HIP1: variants seen among roughly 807,000 people sequenced by gnomAD.
The protein encoded by HIP1 is huntingtin interacting protein 1, also known as huntingtin-interacting protein 1.
HIP1 carries 65 observed loss-of-function variants against 147.6 expected under a neutral mutation model. That is an observed-to-expected ratio of 0.44 (90% CI 0.36 to 0.54). The LOEUF is 0.54. HIP1 is among the 20% of genes least tolerant of loss of function. The probability of loss-of-function intolerance (pLI) is 0.00; values close to 1 mark genes in which losing one functional copy is unlikely to be tolerated. For synonymous variants in HIP1, 479 were observed against 504.0 expected, an observed-to-expected ratio of 0.95 and a Z score of 0.67; for missense variants, 1,061 against 1,299.6, an observed-to-expected ratio of 0.82 and a Z score of 2.82.
chr7:75,560,402 C>T (rs1297584685), intron 13 of HIP1, among the ~76,000 whole-genome samples: 1 of 152,120 alleles, frequency 6.6e-6, no homozygotes, highest in Non-Finnish European at 1.5e-5. Flanking sequence ...GTATGCACCA[C>T]CATGCCCAGC....
intron 1 of HIP1, among the ~76,000 whole-genome samples, chr7:75,679,156 G>A (rs1345462686): frequency 1.3e-5 from 2 of 152,124 alleles, no homozygotes; most frequent in Non-Finnish European, 2.9e-5. Context: ...TTCACTGACT[G>A]TCTTTGCTTC....
intron 2 of HIP1, among the ~76,000 whole-genome samples, chr7:75,595,216 CTTTCTTTCTTTCTTTCTTT>C (rs1554501631): frequency 1.2e-5 from 1 of 85,714 alleles, no homozygotes; most frequent in African/African-American, 6.0e-5. Flanking sequence ...TTCTTTCTTT[CTTTCTTTCTTTCTTTCTTT>C]CTTTCTTTCT....
intron 1 of HIP1, among the ~76,000 whole-genome samples, chr7:75,663,440 G>T (rs1264341254): frequency 1.3e-5 from 2 of 152,086 alleles, no homozygotes; most frequent in African/African-American, 4.8e-5. Context: ...CTCCAGCCTG[G>T]GTGACAGAGT....
At chr7:75,552,496 C>G (rs1051188008) in intron 22 of HIP1, among the ~76,000 whole-genome samples, 2 of 150,212 alleles carry the variant, frequency 1.3e-5, no homozygotes, top group South Asian at 2.1e-4. Context: ...ACTACAGGTG[C>G]GTGACATCAC....
intron 1 of HIP1, among the ~76,000 whole-genome samples, chr7:75,673,779 T>G (rs1799798923): frequency 7.1e-6 from 1 of 141,758 alleles, no homozygotes; most frequent in African/African-American, 2.7e-5. Flanking sequence ...GAGCCTGGAG[T>G]TTGAGACCAG....
intron 1 of HIP1, among the ~76,000 whole-genome samples, chr7:75,662,544 C>T (rs1243003821): frequency 1.3e-4 from 20 of 152,188 alleles, no homozygotes; most frequent in African/African-American, 4.3e-4. Context: ...CTCGCTCTGT[C>T]GCCCAGGCTG....
intron 1 of HIP1, among the ~76,000 whole-genome samples, chr7:75,687,979 A>G (rs1554517743): frequency 6.6e-6 from 1 of 151,972 alleles, no homozygotes; most frequent in South Asian, 2.1e-4. Flanking sequence ...GAGTTCTTCC[A>G]GGCTAGCCCA....
chr7:75,563,888 TTC>T (rs1359530992), intron 9 of HIP1, among the ~76,000 whole-genome samples: 16 of 151,738 alleles, frequency 1.1e-4, no homozygotes, highest in Non-Finnish European at 5.9e-5. Context: ...AATATTTTTT[TTC>T]TCTCTCTCTC....
chr7:75,598,815 C>T lies in HIP1; in HGVS notation c.184+369G>A, dbSNP rs917094656. ...TCGGGAGGCTGAGACGAGAGGATTG[C>T]GTGAACCCAGGAGTTTGAGGCTGCA... On this transcript the variant is annotated intron_variant, in intron 2 of 30. Coordinates refer to ENST00000336926, the MANE Select transcript of HIP1 (RefSeq NM_005338.7). 2.0e-5 allele frequency among the ~76,000 whole-genome samples: 3 copies of T among 152,076 alleles called. No homozygotes were observed. In the South Asian group the frequency reaches 6.2e-4, roughly 31 times the overall value.
chr7:75,536,806 A>T lies in HIP1; in HGVS notation c.*1366T>A, dbSNP rs1409501316. 4.3e-6 allele frequency: 1 copy of T among 230,180 alleles called. No individual in the cohort carries two copies. The highest frequency in any genetic ancestry group is 8.6e-6 in the Non-Finnish European group (1 of 116,248). The allele number at this position is 230,180 out of a possible 1,614,324, so 14.3% of individuals were successfully genotyped here. A position where few individuals can be genotyped will look rare whatever the true frequency, so the allele number is the denominator to read the frequency against. ...TTGAAGGCTGATGTAGCCGGGCAGA[A>T]AGATGAGCCTTGCTAGAGTCACACC... On this transcript the variant is annotated 3_prime_UTR_variant, in exon 31 of 31. Transcript: ENST00000336926.
intron 29 of HIP1, among the ~76,000 whole-genome samples, chr7:75,541,677 C>T (rs1442432576): frequency 2.0e-5 from 3 of 149,534 alleles, no homozygotes; most frequent in African/African-American, 7.4e-5. Context: ...GTCTGGGCGA[C>T]AGGACGAGAC....
intron 1 of HIP1, among the ~76,000 whole-genome samples, chr7:75,662,977 T>C (rs1428208043): frequency 6.6e-6 from 1 of 152,292 alleles, no homozygotes. Flanking sequence ...ATGCTGAGGC[T>C]TCCTCAATGA....
rs114034403 is a variant in HIP1, at chr7:75,696,129, A to G, written c.120+42672T>C. 3.5e-3 allele frequency among the ~76,000 whole-genome samples: 537 copies of G among 152,004 alleles called. 3 individuals carry two copies. Among genetic ancestry groups the G allele is most frequent in the African/African-American group, 0.012 (517 of 41,478 alleles). On this transcript the variant is annotated intron_variant, in intron 1 of 30. Coordinates refer to ENST00000336926, the MANE Select transcript of HIP1 (RefSeq NM_005338.7). ...ACTCAGCCTCCCGAGTAGATGGGAC[A>G]GGTGTGAGCCACCATGCCCGGCTAA...
intron 1 of HIP1, among the ~76,000 whole-genome samples, chr7:75,723,271 C>G (rs1483027655): frequency 6.6e-6 from 1 of 152,080 alleles, no homozygotes; most frequent in Non-Finnish European, 1.5e-5. Flanking sequence ...ACTCAGGAGG[C>G]TGAGGCAGGA....
chr7:75,650,798 A>T (rs1554511849), intron 1 of HIP1, among the ~76,000 whole-genome samples: 1 of 152,152 alleles, frequency 6.6e-6, no homozygotes, highest in Non-Finnish European at 1.5e-5. Context: ...GTACCAGCTC[A>T]GAGTCGCCTG....
At chr7:75,612,840 G>T (rs977440738) in intron 1 of HIP1, among the ~76,000 whole-genome samples, 3 of 151,498 alleles carry the variant, frequency 2.0e-5, no homozygotes, top group Non-Finnish European at 4.4e-5. Flanking sequence ...TTTTTAAAAA[G>T]AGGCTGTAAT....
chr7:75,549,004 G>A lies in HIP1; in HGVS notation c.2296-3C>T, dbSNP rs782054757. On this transcript the variant is annotated splice_region_variant and splice_polypyrimidine_tract_variant and intron_variant, in intron 22 of 30. Transcript: ENST00000336926. ...TCCAGTCCCCTGGGCAGGAGCTCCT[G>A]TGAACACATCACAAAGGCTGAACTG... is the stretch of plus-strand genomic sequence containing the variant. 5.6e-6 allele frequency: 9 copies of A among 1,603,544 alleles called. No individual in the cohort carries two copies. Among genetic ancestry groups the A allele is most frequent in the South Asian group, 5.5e-5 (5 of 90,906 alleles).
At chr7:75,685,651 C>A (rs1410509861) in intron 1 of HIP1, among the ~76,000 whole-genome samples, 1 of 152,210 alleles carries the variant, frequency 6.6e-6, no homozygotes, top group East Asian at 1.9e-4. Flanking sequence ...TGGGTTCAAG[C>A]AATTCTCCTG....
intron 28 of HIP1, among the ~76,000 whole-genome samples, 173 bp downstream of exon 28, chr7:75,542,678 G>A (rs1794379366): frequency 6.6e-6 from 1 of 152,018 alleles, no homozygotes; most frequent in Admixed American, 6.6e-5. Context: ...CAGCCTGGGC[G>A]ACAGAGTGAG....
Sources: allele counts gnomAD v4.1 joint callset (sites outside exome capture counted in the v4.1 genomes callset), GRCh38; gene constraint gnomAD v4.1.1; transcripts MANE v1.5; gene names NCBI Gene and HGNC (gene_info 2026-07-23, HGNC 2026-07-21).